IL1RAPL2: variants seen among roughly 807,000 people sequenced by gnomAD.
IL1RAPL2 encodes X-linked interleukin-1 receptor accessory protein-like 2.
A neutral mutation model predicts 44.1 loss-of-function variants in IL1RAPL2; 3 were observed. The ratio of observed to expected loss-of-function variants is 0.07; its 90% CI spans 0.03 to 0.18. The LOEUF is 0.18. Among genes scored for constraint, IL1RAPL2 ranks in the 10% least tolerant of loss-of-function variants. The probability of loss-of-function intolerance (pLI) is 1.00; values close to 1 mark genes in which losing one functional copy is unlikely to be tolerated. For synonymous variants in IL1RAPL2, 181 were observed against 178.8 expected, an observed-to-expected ratio of 1.01 and a Z score of -0.10; for missense variants, 391 against 496.4, an observed-to-expected ratio of 0.79 and a Z score of 2.02.
At chrX:105,015,246 T>C (rs1221559135) in intron 2 of IL1RAPL2, among the ~76,000 whole-genome samples, 1 of 111,243 alleles carries the variant, frequency 9.0e-6, no homozygotes, top group African/African-American at 3.3e-5. Flanking sequence ...AAAAATTTTC[T>C]CCCATTCTGT....
At chrX:105,283,382 G>A (rs1485819057) in intron 5 of IL1RAPL2, among the ~76,000 whole-genome samples, 2 of 111,596 alleles carry the variant, frequency 1.8e-5, no homozygotes, top group African/African-American at 6.5e-5. Context: ...TGATGGTTAA[G>A]AAAAAGCCAT....
In IL1RAPL2 at chrX:105,073,658, C is replaced by T. The variant is rs946664259; in HGVS notation, c.83-121817C>T. ...ATGGTTGAACTAGTTTACAGTCCCA[C>T]CAACAGTGTAAAAGTGTTCCTATTT... On this transcript the variant is annotated intron_variant, in intron 2 of 10. Transcript: ENST00000372582. Among the ~76,000 whole-genome samples the T allele has an allele frequency of 1.5e-4, 17 of 111,603 alleles. No homozygotes were observed. In the Admixed American group the frequency reaches 1.5e-3, roughly 10 times the overall value.
At chrX:105,224,247 A>C (rs2033994393) in intron 3 of IL1RAPL2, among the ~76,000 whole-genome samples, 1 of 111,365 alleles carries the variant, frequency 9.0e-6, no homozygotes, top group Non-Finnish European at 1.9e-5. Context: ...TTTTAGACCT[A>C]AGGAGAAATT....
chrX:105,664,363 C>T (rs934587062), intron 6 of IL1RAPL2, among the ~76,000 whole-genome samples: 2 of 111,936 alleles, frequency 1.8e-5, no homozygotes, highest in East Asian at 2.8e-4. Flanking sequence ...GAATTCTACT[C>T]TTTTGTGTAA....
chrX:104,970,670 T>C (rs2030215295), intron 2 of IL1RAPL2, among the ~76,000 whole-genome samples: 1 of 111,938 alleles, frequency 8.9e-6, no homozygotes, highest in Non-Finnish European at 1.9e-5. Flanking sequence ...CAGAGGTGCT[T>C]TTGCCTCTTC....
intron 5 of IL1RAPL2, among the ~76,000 whole-genome samples, chrX:105,327,775 A>G (rs1156684651): frequency 1.8e-5 from 2 of 111,598 alleles, no homozygotes; most frequent in Non-Finnish European, 3.8e-5. Flanking sequence ...GAGAAACATT[A>G]CCTTGGAAAC....
At chrX:105,520,528 C>T (rs866764766) in intron 6 of IL1RAPL2, among the ~76,000 whole-genome samples, 1 of 111,836 alleles carries the variant, frequency 8.9e-6, no homozygotes, top group Non-Finnish European at 1.9e-5. Flanking sequence ...TTAAACTACA[C>T]AGTCAAGACT....
intron 1 of IL1RAPL2, among the ~76,000 whole-genome samples, chrX:104,621,686 G>T (rs1279979623): frequency 2.7e-5 from 3 of 111,281 alleles, no homozygotes; most frequent in Non-Finnish European, 3.8e-5. Flanking sequence ...TGTTGGTAAT[G>T]ATTTGGAGTG....
intron 2 of IL1RAPL2, among the ~76,000 whole-genome samples, chrX:104,677,820 C>T (rs1047331673): frequency 5.4e-5 from 6 of 112,036 alleles, no homozygotes; most frequent in South Asian, 3.8e-4. Context: ...TTAAGCTCGT[C>T]GGAAAAGCGC....
intron 4 of IL1RAPL2, among the ~76,000 whole-genome samples, chrX:105,252,426 ATTTG>A (rs1437366064): frequency 9.0e-6 from 1 of 111,350 alleles, no homozygotes; most frequent in Non-Finnish European, 1.9e-5. Context: ...TATCAACATG[ATTTG>A]TTTTTGTCAA....
intron 6 of IL1RAPL2, among the ~76,000 whole-genome samples, chrX:105,714,722 C>A (rs186097377): frequency 3.8e-4 from 43 of 112,025 alleles, no homozygotes; most frequent in African/African-American, 1.2e-3. Flanking sequence ...GCCCTCATGA[C>A]CTAATTATCT....
At chrX:105,692,026 T>G (rs897972547) in intron 6 of IL1RAPL2, among the ~76,000 whole-genome samples, 2 of 111,862 alleles carry the variant, frequency 1.8e-5, no homozygotes, top group Admixed American at 9.6e-5. Flanking sequence ...CAAATAGAAA[T>G]AATTTGGAAC....
At chrX:104,676,613 G>A (rs755955834) in intron 2 of IL1RAPL2, among the ~76,000 whole-genome samples, 6 of 111,279 alleles carry the variant, frequency 5.4e-5, no homozygotes, top group Admixed American at 1.9e-4. Flanking sequence ...TCTTTGTAGC[G>A]TTTTCTGTAT....
chrX:105,216,448 G>A (rs1556166097), intron 3 of IL1RAPL2, among the ~76,000 whole-genome samples: 1 of 111,041 alleles, frequency 9.0e-6, no homozygotes, highest in Non-Finnish European at 1.9e-5. Context: ...AAGAGAATAA[G>A]AGAAGACACA....
intron 2 of IL1RAPL2, among the ~76,000 whole-genome samples, chrX:105,194,626 C>T (rs1276745152): frequency 2.7e-5 from 3 of 110,964 alleles, no homozygotes; most frequent in Admixed American, 1.9e-4. Context: ...CATGAGCACT[C>T]GGCAGCTAAG....
intron 5 of IL1RAPL2, among the ~76,000 whole-genome samples, chrX:105,465,340 G>C (rs1432912456): frequency 8.9e-6 from 1 of 111,934 alleles, no homozygotes; most frequent in Non-Finnish European, 1.9e-5. Context: ...TCCTGAGAAA[G>C]TGAAGTGAAC....
chrX:105,389,211 C>A (rs1165830235), intron 5 of IL1RAPL2, among the ~76,000 whole-genome samples: 2 of 111,576 alleles, frequency 1.8e-5, no homozygotes, highest in Non-Finnish European at 3.8e-5. Context: ...AGTGGATAAC[C>A]AGAATGAGTT....
chrX:104,893,732 CTT>C (rs1197429490), intron 2 of IL1RAPL2, among the ~76,000 whole-genome samples: 1 of 111,676 alleles, frequency 9.0e-6, no homozygotes, highest in Non-Finnish European at 1.9e-5. Context: ...GGTCTTGACT[CTT>C]TATCCAATTT....
intron 2 of IL1RAPL2, among the ~76,000 whole-genome samples, chrX:104,857,199 C>A (rs1039444258): frequency 4.5e-5 from 5 of 112,129 alleles, no homozygotes; most frequent in African/African-American, 1.6e-4. Flanking sequence ...AGAACCCCTA[C>A]TTTCAACTTG....
Sources: allele counts gnomAD v4.1 joint callset (sites outside exome capture counted in the v4.1 genomes callset), GRCh38; gene constraint gnomAD v4.1.1; transcripts MANE v1.5; gene names NCBI Gene and HGNC (gene_info 2026-07-23, HGNC 2026-07-21).